The following CTNND2 variants were observed in gnomAD, a reference collection of about 807,000 sequenced individuals.
CTNND2 encodes catenin delta-2.
A neutral mutation model predicts 144.4 loss-of-function variants in CTNND2; 22 were observed. The ratio of observed to expected loss-of-function variants is 0.15; its 90% CI spans 0.11 to 0.22. The LOEUF (loss-of-function observed/expected upper bound fraction) is 0.22, where lower values mean the gene tolerates loss of function less well. CTNND2 is among the 10% of genes least tolerant of loss of function. CTNND2 has a pLI of 1.00. For missense variants in CTNND2, 1,353 were observed against 1,618.8 expected, an observed-to-expected ratio of 0.84 and a Z score of 2.82; for synonymous variants, 751 against 695.6, an observed-to-expected ratio of 1.08 and a Z score of -1.25.
At position 10,988,376 on chromosome 5, in the gene CTNND2, T is replaced by C. The variant is rs1463288781; in HGVS notation, c.3212-134A>G. On this transcript the variant is annotated intron_variant, in intron 19 of 21. Transcript: ENST00000304623. The surrounding 1 kb of genome is among the most constrained non-coding windows in gnomAD (Gnocchi z 5.9). ...CGTGAGGACCTGATGGGTTTTCTTT[T>C]TAATTTTTATTTTTTGGCAGTTTTG... 4 of 1,125,674 alleles carry C rather than the reference T, an allele frequency of 3.6e-6. No homozygotes were observed. Among genetic ancestry groups the C allele is most frequent in the Non-Finnish European group, 3.7e-6 (3 of 804,326 alleles). 69.7% of individuals were successfully genotyped at this position (1,125,674 alleles called of 1,614,324 possible).
chr5:11,129,226 A>ATATAT (rs1561353440), intron 12 of CTNND2, among the ~76,000 whole-genome samples: 40 of 39,944 alleles, frequency 1.0e-3, no homozygotes, highest in African/African-American at 3.2e-3. Flanking sequence ...TTATATATAA[A>ATATAT]TATATATTAT....
chr5:11,897,211 G>C (rs1204464092), intron 1 of CTNND2, among the ~76,000 whole-genome samples: 1 of 152,154 alleles, frequency 6.6e-6, no homozygotes, highest in Non-Finnish European at 1.5e-5. Flanking sequence ...GCTCTTTCTG[G>C]AAATTACATT....
intron 10 of CTNND2, among the ~76,000 whole-genome samples, chr5:11,233,351 T>G (rs1458642512): frequency 6.6e-6 from 1 of 152,142 alleles, no homozygotes; most frequent in Non-Finnish European, 1.5e-5. Flanking sequence ...ATCACAGGAA[T>G]AAGGAACAAG....
chr5:11,742,392 T>C (rs1788068727), intron 1 of CTNND2, among the ~76,000 whole-genome samples: 1 of 152,104 alleles, frequency 6.6e-6, no homozygotes, highest in Non-Finnish European at 1.5e-5. Flanking sequence ...GTTAACTACC[T>C]TGACTTCCTG....
chr5:11,803,209 A>G (rs1001936483), intron 1 of CTNND2, among the ~76,000 whole-genome samples: 1 of 152,096 alleles, frequency 6.6e-6, no homozygotes, highest in Non-Finnish European at 1.5e-5. Flanking sequence ...AATCCCAGCT[A>G]CTCAGGAGGC....
At chr5:11,842,438 G>C (rs1581987191) in intron 1 of CTNND2, among the ~76,000 whole-genome samples, 1 of 152,090 alleles carries the variant, frequency 6.6e-6, no homozygotes, top group Admixed American at 6.5e-5. Context: ...CTTAGATATG[G>C]GCCGGGCGCA....
chr5:11,796,673 ATATACT>A (rs1791420469), intron 1 of CTNND2, among the ~76,000 whole-genome samples: 1 of 152,214 alleles, frequency 6.6e-6, no homozygotes, highest in Non-Finnish European at 1.5e-5. Context: ...AAATGAAATA[ATATACT>A]TAAAATCATA....
At chr5:11,274,535 TAAAA>T (rs1746332194) in intron 9 of CTNND2, among the ~76,000 whole-genome samples, 1 of 148,232 alleles carries the variant, frequency 6.7e-6, no homozygotes, top group African/African-American at 2.5e-5. Flanking sequence ...AATTAGAAAA[TAAAA>T]CAAATAAAAC....
chr5:11,132,548 T>G (rs1006782979), intron 12 of CTNND2, among the ~76,000 whole-genome samples: 2 of 152,280 alleles, frequency 1.3e-5, no homozygotes, highest in East Asian at 3.9e-4. Flanking sequence ...GAGTCCTCAC[T>G]AGAACCCAAC....
At chr5:11,149,871 T>C (rs1359951965) in intron 12 of CTNND2, among the ~76,000 whole-genome samples, 1 of 152,212 alleles carries the variant, frequency 6.6e-6, no homozygotes, top group Non-Finnish European at 1.5e-5. Context: ...GACAGGGCTG[T>C]CTTCCCTTTA....
chr5:11,369,361 C>G (rs1198181089), intron 7 of CTNND2, among the ~76,000 whole-genome samples: 3 of 152,170 alleles, frequency 2.0e-5, no homozygotes, highest in Admixed American at 1.3e-4. Flanking sequence ...GTTCTTGACA[C>G]AGAAAATAAT....
intron 12 of CTNND2, among the ~76,000 whole-genome samples, chr5:11,131,104 C>T (rs1437217287): frequency 3.3e-5 from 5 of 152,246 alleles, no homozygotes; most frequent in South Asian, 2.1e-4. Flanking sequence ...TGAATACTAG[C>T]TAGTTGTTTT....
rs796498109 is a variant in CTNND2, at chr5:11,774,571, AAC to A, written c.38-42301_38-42300del. Among the ~76,000 whole-genome samples, 4 of 145,862 alleles carry A rather than the reference AAC, an allele frequency of 2.7e-5. 1 individual carries two copies. Among genetic ancestry groups the A allele is most frequent in the Admixed American group, 2.0e-4 (3 of 14,984 alleles). ...ATAATAAAAAAAAATTAAAAAAAAA[AAC>A]AATGATGGCTTTAGTCTAAAATACT... On this transcript the variant is annotated intron_variant, in intron 1 of 21. Coordinates refer to ENST00000304623, the MANE Select transcript of CTNND2 (RefSeq NM_001332.4).
At chr5:11,504,053 T>TA (rs1770774803) in intron 3 of CTNND2, among the ~76,000 whole-genome samples, 2 of 152,232 alleles carry the variant, frequency 1.3e-5, no homozygotes, top group Non-Finnish European at 2.9e-5. Flanking sequence ...GTACAAAACA[T>TA]AGAGAGTGCT....
At position 11,903,798 on chromosome 5, in the gene CTNND2, G is replaced by T; in HGVS notation, c.37+19C>A. On this transcript the variant is annotated intron_variant, in intron 1 of 21. Transcript: ENST00000304623. This position sits in a 1 kb window ranked among gnomAD's most constrained non-coding sequence, Gnocchi z 5.4. ...GAGGAGGCTGCGCCCGGCCCCGGCC[G>T]CCCAGCCCCGCAACTCACCCAAAGG... The T allele has an allele frequency of 1.4e-6, 2 of 1,476,926 alleles. No homozygotes were observed. The highest frequency in any genetic ancestry group is 8.9e-7 in the Non-Finnish European group (1 of 1,120,876). The allele number at this position is 1,476,926 out of a possible 1,614,324, so 91.5% of individuals were successfully genotyped here. A position where few individuals can be genotyped will look rare whatever the true frequency, so the allele number is the denominator to read the frequency against.
rs1419502778 is a variant in CTNND2 at position 11,129,217 on chromosome 5, TA to T, written c.2160-11651del. On this transcript the variant is annotated intron_variant, in intron 12 of 21. Transcript: ENST00000304623. The stretch of plus-strand genomic sequence containing the variant: ...TAATATATATTATATATTTATATAT[TA>T]TATATAAATATATATTATATATTAT... Among the ~76,000 whole-genome samples the T allele has an allele frequency of 8.9e-5, 3 of 33,688 alleles. 1 individual carries two copies. Among genetic ancestry groups the T allele is most frequent in the South Asian group, 1.0e-3 (1 of 976 alleles). The allele number at this position is 33,688 out of a possible 152,430, so 22.1% of individuals were successfully genotyped here. A position where few individuals can be genotyped will look rare whatever the true frequency, so the allele number is the denominator to read the frequency against.
intron 1 of CTNND2, among the ~76,000 whole-genome samples, chr5:11,820,298 C>A (rs184866349): frequency 6.6e-6 from 1 of 152,322 alleles, no homozygotes; most frequent in East Asian, 1.9e-4. Flanking sequence ...TCCAAGGCTG[C>A]CTCTTTACCT....
chr5:11,071,678 G>C (rs1748323087), intron 16 of CTNND2, among the ~76,000 whole-genome samples: 1 of 151,654 alleles, frequency 6.6e-6, no homozygotes, highest in Admixed American at 6.5e-5. Context: ...TGGCAGCAGT[G>C]ATGTGGGAGG....
At chr5:10,982,817 A>C (rs1019217942) in intron 20 of CTNND2, among the ~76,000 whole-genome samples, 16 of 152,266 alleles carry the variant, frequency 1.1e-4, no homozygotes, top group Admixed American at 6.5e-4. Context: ...CTGTTTGGCC[A>C]TAAAAAGAAT....
Sources: allele counts gnomAD v4.1 joint callset (sites outside exome capture counted in the v4.1 genomes callset), GRCh38; gene constraint gnomAD v4.1.1; non-coding constraint Gnocchi (gnomAD v3.1); transcripts MANE v1.5; gene names NCBI Gene and HGNC (gene_info 2026-07-23, HGNC 2026-07-21).